The following RBFOX1 variants were observed in gnomAD, a reference collection of about 807,000 sequenced individuals.
RBFOX1 encodes RNA binding protein fox-1 homolog 1.
A neutral mutation model predicts 57.7 loss-of-function variants in RBFOX1; 8 were observed. The observed-to-expected ratio is 0.14, with a 90% CI of 0.08 to 0.25. The LOEUF is 0.25. Ranked by LOEUF, RBFOX1 falls within the 10% of genes least tolerant of loss-of-function variation. The probability of loss-of-function intolerance (pLI) is 1.00; values close to 1 mark genes in which losing one functional copy is unlikely to be tolerated. For synonymous variants in RBFOX1, 326 were observed against 222.4 expected (o/e 1.47, Z -4.15); for missense variants, 611 against 548.5 (o/e 1.11, Z -1.14).
intron 3 of RBFOX1, among the ~76,000 whole-genome samples, chr16:6,940,844 G>A (rs111806821): frequency 1.0e-4 from 9 of 90,304 alleles, no homozygotes; most frequent in African/African-American, 3.1e-4. Context: ...CACCATGTCC[G>A]GCTAGTCTGT....
At chr16:6,398,870 G>A (rs1388393104) in intron 2 of RBFOX1, among the ~76,000 whole-genome samples, 1 of 152,224 alleles carries the variant, frequency 6.6e-6, no homozygotes, top group Non-Finnish European at 1.5e-5. Context: ...ACTAGGCGGT[G>A]CTCCAGTGGG....
At chr16:6,925,226 C>A (rs531371914) in intron 3 of RBFOX1, among the ~76,000 whole-genome samples, 31 of 134,434 alleles carry the variant, frequency 2.3e-4, no homozygotes, top group Non-Finnish European at 3.8e-4. Context: ...CTCTGCCTCC[C>A]GGGCTCAAGC....
At chr16:5,536,842 G>A (rs569133203) in intron 2 of RBFOX1, among the ~76,000 whole-genome samples, 1 of 152,280 alleles carries the variant, frequency 6.6e-6, no homozygotes, top group Non-Finnish European at 1.5e-5. Context: ...GACAGCAGGT[G>A]CATCTGTACC....
chr16:6,566,522 G>C (rs1371981560), intron 2 of RBFOX1, among the ~76,000 whole-genome samples: 1 of 152,020 alleles, frequency 6.6e-6, no homozygotes, highest in Non-Finnish European at 1.5e-5. Flanking sequence ...TGAATATCTG[G>C]TTTCAAACCA....
At chr16:5,778,473 C>G (rs1800589089) in intron 3 of RBFOX1, among the ~76,000 whole-genome samples, 1 of 152,200 alleles carries the variant, frequency 6.6e-6, no homozygotes, top group South Asian at 2.1e-4. Context: ...AAAGCAGTCA[C>G]TTCCTCCTGT....
intron 2 of RBFOX1, among the ~76,000 whole-genome samples, chr16:6,487,685 AAAAAAAAAAAAAAAAATATATAT>A (rs2095520550): frequency 2.2e-5 from 1 of 46,078 alleles, no homozygotes; most frequent in African/African-American, 1.3e-4. Context: ...AAAAAAAAAA[AAAAAAAAAAAAAAAAATATATAT>A]ATATATATAT....
intron 2 of RBFOX1, among the ~76,000 whole-genome samples, chr16:5,550,706 T>C (rs144701682): frequency 6.6e-6 from 1 of 152,332 alleles, no homozygotes; most frequent in East Asian, 1.9e-4. Flanking sequence ...CTGTGGCATT[T>C]ATATTCTGGA....
At chr16:7,599,468 C>T (rs898098895) in intron 9 of RBFOX1, among the ~76,000 whole-genome samples, 4 of 151,970 alleles carry the variant, frequency 2.6e-5, no homozygotes, top group Non-Finnish European at 1.5e-5. Context: ...TTTTTTAACA[C>T]AATTCAAAGC....
intron 13 of RBFOX1, among the ~76,000 whole-genome samples, chr16:7,670,440 C>T (rs879458168): frequency 3.3e-5 from 5 of 152,294 alleles, no homozygotes; most frequent in Middle Eastern, 3.4e-3. Context: ...TGCTGAAGCC[C>T]TGAGCCCACA....
intron 1 of RBFOX1, among the ~76,000 whole-genome samples, chr16:6,244,585 T>C (rs2097558752): frequency 6.6e-6 from 1 of 152,134 alleles, no homozygotes; most frequent in South Asian, 2.1e-4. Flanking sequence ...CTCACTGCAA[T>C]GTTCGCCTCT....
chr16:7,231,499 T>C (rs150598042), intron 4 of RBFOX1, among the ~76,000 whole-genome samples: 167 of 152,258 alleles, frequency 1.1e-3, no homozygotes, highest in African/African-American at 3.4e-3. Flanking sequence ...AAGTTAAGCA[T>C]AGAATTACCA....
intron 3 of RBFOX1, among the ~76,000 whole-genome samples, chr16:6,787,289 C>A (rs78990646): frequency 0.15 from 22,974 of 152,114 alleles, 2,041 homozygotes; most frequent in Admixed American, 0.25. Context: ...ATCTTAAGAG[C>A]AAAAGCCAGG....
intron 4 of RBFOX1, among the ~76,000 whole-genome samples, chr16:7,097,443 G>T (rs557770092): frequency 6.6e-6 from 1 of 152,282 alleles, no homozygotes; most frequent in South Asian, 2.1e-4. Flanking sequence ...TTAAAGCAGG[G>T]AAAGAGAGAA....
chr16:6,767,914 C>CAATAATAATAATAAT (rs71408408), intron 3 of RBFOX1, among the ~76,000 whole-genome samples: 58 of 118,046 alleles, frequency 4.9e-4, no homozygotes, highest in South Asian at 9.4e-4. Context: ...GACTCTATCT[C>CAATAATAATAATAAT]AATAATAATA....
intron 2 of RBFOX1, among the ~76,000 whole-genome samples, chr16:5,502,027 ATTAT>A (rs911177089): frequency 1.0e-4 from 11 of 107,522 alleles, no homozygotes; most frequent in Admixed American, 4.3e-4. Flanking sequence ...CCAGCTCACT[ATTAT>A]TATTATTATT....
At chr16:7,001,137 A>G (rs7200460) in intron 3 of RBFOX1, among the ~76,000 whole-genome samples, 2,664 of 152,158 alleles carry the variant, frequency 0.018, 89 homozygotes, top group African/African-American at 0.06. Flanking sequence ...ATTTTTTTCC[A>G]GTTTTCAAAT....
At chr16:7,437,896 G>C (rs1475610030) in intron 4 of RBFOX1, among the ~76,000 whole-genome samples, 1 of 141,346 alleles carries the variant, frequency 7.1e-6, no homozygotes, top group Non-Finnish European at 1.5e-5. Flanking sequence ...GGTCATATTA[G>C]ACAAATTGCT....
chr16:7,493,527 T>C (rs965336158), intron 4 of RBFOX1, among the ~76,000 whole-genome samples: 7 of 152,208 alleles, frequency 4.6e-5, no homozygotes, highest in Admixed American at 4.6e-4. Flanking sequence ...AGTATCCAGA[T>C]GAGTCCAGTG....
At chr16:6,194,966 C>G (rs531455063) in intron 1 of RBFOX1, among the ~76,000 whole-genome samples, 4 of 152,154 alleles carry the variant, frequency 2.6e-5, no homozygotes, top group African/African-American at 7.2e-5. Flanking sequence ...ATTTAACTTA[C>G]TCTGTGATGA....
Sources: gnomAD v4.1 joint callset for allele counts (sites outside exome capture counted in the v4.1 genomes callset) on GRCh38, gnomAD v4.1.1 for gene constraint, MANE v1.5 for transcripts, NCBI Gene and HGNC (gene_info 2026-07-23, HGNC 2026-07-21) for gene names.